The following ORC3 variants were observed in gnomAD, a reference collection of about 807,000 sequenced individuals.
ORC3 encodes origin recognition complex subunit 3.
ORC3 carries 78 observed loss-of-function variants against 100.7 expected under a neutral mutation model. The ratio of observed to expected loss-of-function variants is 0.77; its 90% CI spans 0.65 to 0.94. The LOEUF is 0.94. Ranked by LOEUF, ORC3 falls within the 40% of genes least tolerant of loss-of-function variation. The probability of loss-of-function intolerance (pLI) is 0.00; values close to 1 mark genes in which losing one functional copy is unlikely to be tolerated. For synonymous variants in ORC3, 295 were observed against 289.3 expected (o/e 1.02, Z -0.20); for missense variants, 789 against 823.9 (o/e 0.96, Z 0.52).
intron 11 of ORC3, among the ~76,000 whole-genome samples, chr6:87,624,428 G>A (rs1779745989): frequency 1.3e-5 from 2 of 152,108 alleles, no homozygotes; most frequent in African/African-American, 2.4e-5. Flanking sequence ...AGGTTGCAGT[G>A]AGCCAAGATC....
At position 87,631,793 on chromosome 6, in the gene ORC3, G is replaced by A. The variant is rs534847857; in HGVS notation, c.1186-3052G>A. The stretch of plus-strand genomic sequence containing the variant: ...AGGCGTGAGCCACCCTGCCCGGCCC[G>A]AAAATTTTCTCATATATCAAAACCT... On this transcript the variant is annotated intron_variant, in intron 11 of 19. Transcript: ENST00000392844. Among the ~76,000 whole-genome samples the A allele has an allele frequency of 3.0e-4, 46 of 151,822 alleles. 1 individual carries two copies. The South Asian group carries it at 8.2e-3, about 27-fold the overall frequency.
rs1767848729 is a variant in ORC3 at position 87,636,573 on chromosome 6, A to G, written c.1382+87A>G. 1.2e-5 allele frequency: 9 copies of G among 781,950 alleles called. No individual in the cohort carries two copies. In the East Asian group the frequency reaches 2.0e-4, roughly 17 times the overall value. The allele number at this position is 781,950 out of a possible 1,614,324, so 48.4% of individuals were successfully genotyped here. A position where few individuals can be genotyped will look rare whatever the true frequency, so the allele number is the denominator to read the frequency against. ...CCTTCCTCTAGAACCCTGCCTGCCA[A>G]AAAGTTTCATAAATAGCCATGTTGT... On this transcript the variant is annotated intron_variant, in intron 13 of 19. Coordinates refer to ENST00000392844, the MANE Select transcript of ORC3 (RefSeq NM_012381.4).
downstream of ORC3, among the ~76,000 whole-genome samples, chr6:87,669,049 T>C (rs1481861144): frequency 2.0e-5 from 3 of 152,046 alleles, no homozygotes; most frequent in East Asian, 1.9e-4. Flanking sequence ...CCCAGCTACA[T>C]GGAAGGCTGA....
intron 11 of ORC3, among the ~76,000 whole-genome samples, chr6:87,626,421 C>T (rs1482580075): frequency 6.6e-6 from 1 of 152,096 alleles, no homozygotes; most frequent in Non-Finnish European, 1.5e-5. Context: ...AAGTTGTATT[C>T]CTAGGTATTT....
chr6:87,614,230 C>T (rs1240934804), intron 8 of ORC3, among the ~76,000 whole-genome samples: 1 of 152,224 alleles, frequency 6.6e-6, no homozygotes, highest in Non-Finnish European at 1.5e-5. Flanking sequence ...CTCTCTGAAG[C>T]CGTGGCCCGA....
intron 11 of ORC3, among the ~76,000 whole-genome samples, chr6:87,634,507 A>G (rs1767664428): frequency 6.6e-6 from 1 of 152,212 alleles, no homozygotes; most frequent in African/African-American, 2.4e-5. Flanking sequence ...TTGCTGTGGC[A>G]CACACCAGGT....
chr6:87,599,354 A>ATTATTTATTTAT (rs71021304), intron 2 of ORC3, among the ~76,000 whole-genome samples: 7,109 of 145,102 alleles, frequency 0.049, 198 homozygotes, highest in Middle Eastern at 0.099. Context: ...TCTTTTTTTT[A>ATTATTTATTTAT]TTATTTATTT....
intron 7 of ORC3, 80 bp from the exon 8 acceptor site, chr6:87,612,009 T>G: frequency 7.6e-7 from 1 of 1,316,548 alleles, no homozygotes; most frequent in Non-Finnish European, 1.1e-6. Flanking sequence ...TAAAATAAAG[T>G]TTGTCTTATG....
At chr6:87,611,960 G>C in intron 7 of ORC3, 129 bp from the exon 8 acceptor site, 1 of 766,232 alleles carries the variant, frequency 1.3e-6, no homozygotes, top group Non-Finnish European at 2.0e-6. Flanking sequence ...TTTAGTGTTT[G>C]CAATGATAAT....
chr6:87,644,096 T>C (rs1458522373), intron 13 of ORC3, among the ~76,000 whole-genome samples: 3 of 108,260 alleles, frequency 2.8e-5, no homozygotes, highest in Admixed American at 2.0e-4. Flanking sequence ...TTTTTTTTTT[T>C]TTTTTTTTTT....
chr6:87,654,492 A>G (rs1769515677), intron 14 of ORC3, among the ~76,000 whole-genome samples: 1 of 152,202 alleles, frequency 6.6e-6, no homozygotes, highest in Non-Finnish European at 1.5e-5. Context: ...CAGCTATATA[A>G]CCAGAAACTA....
At chr6:87,657,028 T>G in intron 15 of ORC3, 46 bp downstream of exon 15, 1 of 1,232,784 alleles carries the variant, frequency 8.1e-7, no homozygotes, top group South Asian at 1.2e-5. Context: ...TGACACTCCC[T>G]TTTTTCAGTT....
At chr6:87,648,707 G>A (rs1222515521) in intron 13 of ORC3, among the ~76,000 whole-genome samples, 1 of 152,164 alleles carries the variant, frequency 6.6e-6, no homozygotes, top group Non-Finnish European at 1.5e-5. Flanking sequence ...ATACACATAT[G>A]TGGGTATAAA....
intron 13 of ORC3, among the ~76,000 whole-genome samples, chr6:87,640,851 A>G (rs113910758): frequency 0.03 from 4,589 of 152,218 alleles, 235 homozygotes; most frequent in African/African-American, 0.1. Flanking sequence ...TGTAATCCCA[A>G]CGCTTTGGGA....
chr6:87,628,108 A>G (rs1258147605), intron 11 of ORC3, among the ~76,000 whole-genome samples: 1 of 152,236 alleles, frequency 6.6e-6, no homozygotes, highest in South Asian at 2.1e-4. Flanking sequence ...TAGCTGACTA[A>G]AACTAACACA....
chr6:87,611,302 C>G (rs1778748669), intron 7 of ORC3, among the ~76,000 whole-genome samples: 1 of 152,062 alleles, frequency 6.6e-6, no homozygotes, highest in South Asian at 2.1e-4. Context: ...TTAATGCTGA[C>G]ACTGAACTGC....
intron 2 of ORC3, among the ~76,000 whole-genome samples, chr6:87,597,493 G>C (rs1256144426): frequency 6.6e-6 from 1 of 152,028 alleles, no homozygotes. Context: ...GGGTTATTGA[G>C]TATATACATT....
Position 87,610,305 on chromosome 6 carries a change from T to A in ORC3, c.713+1076T>A, listed in dbSNP as rs1456299070. On this transcript the variant is annotated intron_variant, in intron 7 of 19. Coordinates refer to ENST00000392844, the MANE Select transcript of ORC3 (RefSeq NM_012381.4). ...CTCCCTGCCACCTCCGCCTCCCGGG[T>A]TCAAGCAGTTCTCATGCCTCAGCCT... is the stretch of plus-strand genomic sequence containing the variant. Among the ~76,000 whole-genome samples, 8 of 151,570 alleles carry A rather than the reference T, an allele frequency of 5.3e-5. No individual in the cohort carries two copies. In the South Asian group the frequency reaches 1.0e-3, roughly 20 times the overall value.
At chr6:87,597,708 C>CAT (rs767856989) in intron 2 of ORC3, among the ~76,000 whole-genome samples, 6 of 141,986 alleles carry the variant, frequency 4.2e-5, no homozygotes, top group Non-Finnish European at 9.3e-5. Flanking sequence ...CACACACACA[C>CAT]ACATATATAT....
Sources: gnomAD v4.1 joint callset for allele counts (sites outside exome capture counted in the v4.1 genomes callset) on GRCh38, gnomAD v4.1.1 for gene constraint, MANE v1.5 for transcripts, NCBI Gene and HGNC (gene_info 2026-07-23, HGNC 2026-07-21) for gene names.